TAF1B: variants seen among roughly 807,000 people sequenced by gnomAD.
The protein encoded by TAF1B is TATA box-binding protein-associated factor RNA polymerase I subunit B.
Under a neutral mutation model 83.9 loss-of-function variants are expected in TAF1B, and 61 were observed. The observed-to-expected ratio is 0.73, with a 90% CI of 0.59 to 0.90. The LOEUF (loss-of-function observed/expected upper bound fraction) is 0.90. TAF1B is among the 40% of genes least tolerant of loss of function. The pLI is 0.00. For missense variants in TAF1B, 625 were observed against 677.0 expected (o/e 0.92, Z 0.85); for synonymous variants, 221 against 224.6 (o/e 0.98, Z 0.14).
chr2:9,931,499 G>T (rs4556949), intron 14 of TAF1B, among the ~76,000 whole-genome samples: 1 of 151,672 alleles, frequency 6.6e-6, no homozygotes, highest in Non-Finnish European at 1.5e-5. Flanking sequence ...ATTGTCCCCC[G>T]CTTTCTTCTG....
chr2:9,871,105 T>A (rs394952), intron 6 of TAF1B, among the ~76,000 whole-genome samples: 141,744 of 151,594 alleles, frequency 0.94, 67,021 homozygotes, highest in East Asian at 1. Flanking sequence ...TTTGAGATGG[T>A]GTCTTGCTCT....
chr2:9,913,623 A>G (rs1425622969), intron 12 of TAF1B: 1 of 159,174 alleles, frequency 6.3e-6, no homozygotes, highest in African/African-American at 2.4e-5. Flanking sequence ...CCCAATATTA[A>G]AAAGATTACA....
chr2:9,908,101 A>G (rs1036091987), intron 9 of TAF1B, among the ~76,000 whole-genome samples: 1 of 70,548 alleles, frequency 1.4e-5, no homozygotes, highest in Non-Finnish European at 3.2e-5. Context: ...GCTGGAGTGT[A>G]ATGGCGTGAT....
chr2:9,848,339 G>A (rs1267485520), intron 2 of TAF1B, among the ~76,000 whole-genome samples: 1 of 152,084 alleles, frequency 6.6e-6, no homozygotes, highest in African/African-American at 2.4e-5. Flanking sequence ...TCCTCTGTTG[G>A]TTAAAAATCC....
At chr2:9,916,837 C>G (rs532697656) in intron 12 of TAF1B, among the ~76,000 whole-genome samples, 51 of 95,706 alleles carry the variant, frequency 5.3e-4, no homozygotes, top group African/African-American at 1.6e-3. Flanking sequence ...CCTTTCTGTT[C>G]TTTTTTTTTT....
intron 7 of TAF1B, among the ~76,000 whole-genome samples, chr2:9,877,144 C>T (rs1166317989): frequency 6.6e-6 from 1 of 152,164 alleles, no homozygotes; most frequent in Non-Finnish European, 1.5e-5. Flanking sequence ...ATTGGGTGAT[C>T]TCATCTTTTC....
At chr2:9,905,408 A>T (rs1224016159) in intron 9 of TAF1B, among the ~76,000 whole-genome samples, 1 of 152,242 alleles carries the variant, frequency 6.6e-6, no homozygotes, top group African/African-American at 2.4e-5. Flanking sequence ...TTTTTAAAAA[A>T]ATCCTAGAAG....
At chr2:9,868,565 G>T in intron 6 of TAF1B, 136 bp downstream of exon 6, 1 of 1,248,762 alleles carries the variant, frequency 8.0e-7, no homozygotes, top group Non-Finnish European at 1.1e-6. Context: ...AGAATGACTT[G>T]CTGAATCATA....
intron 5 of TAF1B, among the ~76,000 whole-genome samples, chr2:9,865,235 A>G (rs1022823001): frequency 2.0e-5 from 3 of 152,214 alleles, no homozygotes; most frequent in African/African-American, 7.2e-5. Context: ...AAGCAACTTC[A>G]GCAAAGTCTC....
At chr2:9,930,803 C>CT (rs1666187547) in intron 14 of TAF1B, among the ~76,000 whole-genome samples, 1 of 152,176 alleles carries the variant, frequency 6.6e-6, no homozygotes, top group Admixed American at 6.5e-5. Flanking sequence ...GTGTGGGAGT[C>CT]TAAGTCTTTG....
chr2:9,888,782 T>C (rs1197745082), intron 8 of TAF1B, among the ~76,000 whole-genome samples: 1 of 142,944 alleles, frequency 7.0e-6, no homozygotes, highest in African/African-American at 2.5e-5. Context: ...TTATGTTTCT[T>C]CTGCTTGGTT....
chr2:9,913,119 G>A, intron 11 of TAF1B, 40 bp from the exon 12 acceptor site: 2 of 1,483,848 alleles, frequency 1.3e-6, no homozygotes, highest in South Asian at 2.5e-5. Flanking sequence ...ATTATAGTGT[G>A]GTTTATTTGG....
intron 13 of TAF1B, 45 bp downstream of exon 13, chr2:9,919,156 G>T (rs1273088031): frequency 1.0e-5 from 15 of 1,503,462 alleles, no homozygotes; most frequent in Non-Finnish European, 1.4e-5. Context: ...CAACACAGTT[G>T]TAGAAAAATT....
chr2:9,854,294 A>G lies in TAF1B; in HGVS notation c.304-32A>G, dbSNP rs759902803. ...CTGTACATTTGTTGTCATAACCTGA[A>G]TCACCCACCACTCATTTCCCTTCCA... On this transcript the variant is annotated intron_variant, in intron 4 of 14. Transcript: ENST00000263663. 4.6e-6 allele frequency: 7 copies of G among 1,524,306 alleles called. No individual in the cohort carries two copies. In the East Asian group the frequency reaches 6.8e-5, roughly 15 times the overall value. 94.4% of individuals were successfully genotyped at this position (1,524,306 alleles called of 1,614,324 possible).
chr2:9,893,190 T>C (rs1368536798), intron 8 of TAF1B, among the ~76,000 whole-genome samples: 1 of 152,150 alleles, frequency 6.6e-6, no homozygotes, highest in African/African-American at 2.4e-5. Context: ...GAGTTAACTG[T>C]TGTTAGCATT....
chr2:9,884,465 G>A (rs900632708), intron 8 of TAF1B, among the ~76,000 whole-genome samples: 1 of 152,238 alleles, frequency 6.6e-6, no homozygotes, highest in African/African-American at 2.4e-5. Flanking sequence ...GAGGTACACA[G>A]ATAAGTGGAG....
At chr2:9,850,717 T>C (rs1663357742) in intron 3 of TAF1B, among the ~76,000 whole-genome samples, 1 of 152,166 alleles carries the variant, frequency 6.6e-6, no homozygotes, top group Non-Finnish European at 1.5e-5. Flanking sequence ...TGTCCAGCAG[T>C]GAGGGGCAAA....
chr2:9,864,138 G>A (rs1230767946), intron 5 of TAF1B, among the ~76,000 whole-genome samples: 1 of 151,988 alleles, frequency 6.6e-6, no homozygotes, highest in Non-Finnish European at 1.5e-5. Context: ...AAAACCCTTC[G>A]AAAAATCAGT....
rs751937092 is a variant in TAF1B at position 9,868,410 on chromosome 2, C to A, written c.534C>A (p.Val178=). 6.2e-6 allele frequency: 10 copies of A among 1,612,494 alleles called. No homozygotes were observed. The highest frequency in any genetic ancestry group is 8.5e-6 in the Non-Finnish European group (10 of 1,179,134). Residue 178 remains valine (V), a synonymous_variant, in exon 6 of 15, where the codon GTC becomes GTA. Transcript: ENST00000263663. ...TCCACACTCGAAAACCTTTCCCCGTCAGCAAAGCATCACAATCAGGTAAAA... is the reference window on the plus strand; with the variant it reads ...TCCACACTCGAAAACCTTTCCCCGTAAGCAAAGCATCACAATCAGGTAAAA... ...SDIHTRKPFP[V]SKASQSETSV... is the part of the protein sequence containing the mutation.
Sources: allele counts gnomAD v4.1 joint callset (sites outside exome capture counted in the v4.1 genomes callset), GRCh38; gene constraint gnomAD v4.1.1; transcripts MANE v1.5; gene names NCBI Gene and HGNC (gene_info 2026-07-23, HGNC 2026-07-21).